Variants in ZNF385D observed in about 807,000 individuals in gnomAD.
ZNF385D encodes zinc finger protein 385D, also known as zinc finger protein 659.
A neutral mutation model predicts 35.8 loss-of-function variants in ZNF385D; 15 were observed. The observed-to-expected ratio is 0.42, with a 90% CI of 0.28 to 0.64. The LOEUF (loss-of-function observed/expected upper bound fraction) is 0.64, where lower values mean the gene tolerates loss of function less well. Ranked by LOEUF, ZNF385D falls within the 30% of genes least tolerant of loss-of-function variation. ZNF385D has a pLI of 0.23. For missense variants in ZNF385D, 474 were observed against 494.6 expected (o/e 0.96, Z 0.39); for synonymous variants, 212 against 186.8 (o/e 1.13, Z -1.10).
At chr3:21,644,347 T>G (rs1305176961) in intron 2 of ZNF385D, among the ~76,000 whole-genome samples, 1 of 152,136 alleles carries the variant, frequency 6.6e-6, no homozygotes, top group East Asian at 1.9e-4. Context: ...ACTCTCCCCA[T>G]AGCTCAGGGT....
Position 21,837,741 on chromosome 3 carries a change from G to A in ZNF385D, c.326-172713C>T, listed in dbSNP as rs139085250. ...ATAAAAATTAGCTGGGTGTGGTGGC[G>A]TGCGCCTGTAGTCCCAGCTACTCAG... On this transcript the variant is annotated intron_variant, in intron 3 of 5. Transcript: ENST00000494108. 5.5e-3 allele frequency among the ~76,000 whole-genome samples: 842 copies of A among 151,978 alleles called. 36 individuals carry two copies. In the South Asian group the frequency reaches 0.069, roughly 12 times the overall value.
intron 1 of ZNF385D, among the ~76,000 whole-genome samples, chr3:21,712,853 T>G (rs2068166034): frequency 6.6e-6 from 1 of 152,212 alleles, no homozygotes. Flanking sequence ...TGTCAGTGAA[T>G]TAATTCCTTC....
chr3:21,839,675 A>G (rs972356372), intron 3 of ZNF385D, among the ~76,000 whole-genome samples: 1 of 152,030 alleles, frequency 6.6e-6, no homozygotes, highest in Non-Finnish European at 1.5e-5. Flanking sequence ...AGACCACATC[A>G]CTTTGCCTTC....
At chr3:21,909,388 G>A (rs1267244785) in intron 3 of ZNF385D, among the ~76,000 whole-genome samples, 1 of 151,992 alleles carries the variant, frequency 6.6e-6, no homozygotes, top group Non-Finnish European at 1.5e-5. Context: ...CACCATGTCA[G>A]GGTGGGAACC....
intron 4 of ZNF385D, among the ~76,000 whole-genome samples, chr3:21,473,594 C>G (rs1024221790): frequency 1.3e-5 from 2 of 152,010 alleles, no homozygotes; most frequent in Admixed American, 6.6e-5. Context: ...TTCTACTGAA[C>G]CTGTAATCAG....
At chr3:21,962,930 T>C (rs777494903) in intron 3 of ZNF385D, among the ~76,000 whole-genome samples, 3 of 152,214 alleles carry the variant, frequency 2.0e-5, no homozygotes, top group African/African-American at 7.2e-5. Context: ...TAATAACACA[T>C]TTTCCAAATA....
At chr3:21,661,838 GCTTA>G (rs1306118412) in intron 2 of ZNF385D, among the ~76,000 whole-genome samples, 1 of 152,000 alleles carries the variant, frequency 6.6e-6, no homozygotes, top group Non-Finnish European at 1.5e-5. Flanking sequence ...TCCTAACTAT[GCTTA>G]CTTTTATAGA....
intron 2 of ZNF385D, among the ~76,000 whole-genome samples, chr3:22,281,746 C>A (rs1311595210): frequency 6.6e-6 from 1 of 151,912 alleles, no homozygotes; most frequent in Non-Finnish European, 1.5e-5. Context: ...TAGGATAATA[C>A]TGGCTTCATA....
At chr3:22,372,089 C>T (rs1490493671) in intron 2 of ZNF385D, among the ~76,000 whole-genome samples, 2 of 152,100 alleles carry the variant, frequency 1.3e-5, no homozygotes, top group African/African-American at 2.4e-5. Flanking sequence ...TGGCCCAGCC[C>T]TCGACTCTGG....
At chr3:21,939,856 T>A (rs73046307) in intron 3 of ZNF385D, among the ~76,000 whole-genome samples, 2 of 152,064 alleles carry the variant, frequency 1.3e-5, no homozygotes, top group East Asian at 3.9e-4. Context: ...TCTATATAAG[T>A]AAAGCACAGT....
At chr3:22,234,187 G>A (rs1348512526) in intron 2 of ZNF385D, among the ~76,000 whole-genome samples, 1 of 152,020 alleles carries the variant, frequency 6.6e-6, no homozygotes, top group Non-Finnish European at 1.5e-5. Flanking sequence ...TATTCAACTG[G>A]ACTCAGAGTT....
intron 2 of ZNF385D, among the ~76,000 whole-genome samples, chr3:22,359,752 A>G (rs9870287): frequency 0.22 from 33,832 of 151,746 alleles, 4,119 homozygotes; most frequent in Non-Finnish European, 0.28. Context: ...ATGATAGGAA[A>G]TAGTGTCCTA....
At chr3:22,326,648 G>C (rs1041977302) in intron 2 of ZNF385D, among the ~76,000 whole-genome samples, 1 of 152,214 alleles carries the variant, frequency 6.6e-6, no homozygotes, top group East Asian at 1.9e-4. Flanking sequence ...AAATATGACA[G>C]GTAACACTTA....
chr3:22,328,616 A>G (rs1488612343), intron 2 of ZNF385D, among the ~76,000 whole-genome samples: 5 of 151,520 alleles, frequency 3.3e-5, no homozygotes, highest in Non-Finnish European at 7.4e-5. Flanking sequence ...TACAAAAATT[A>G]GCTGGGCATG....
chr3:21,836,637 T>C (rs1319703170), intron 3 of ZNF385D, among the ~76,000 whole-genome samples: 1 of 152,098 alleles, frequency 6.6e-6, no homozygotes, highest in South Asian at 2.1e-4. Context: ...TCTACTATTG[T>C]AGCCAAAAAG....
chr3:21,822,461 C>T (rs749197125), intron 3 of ZNF385D, among the ~76,000 whole-genome samples: 10 of 152,126 alleles, frequency 6.6e-5, no homozygotes, highest in South Asian at 2.1e-4. Context: ...TTGACAGGCA[C>T]GCATGATACT....
At chr3:21,865,189 A>G (rs1261894798) in intron 3 of ZNF385D, among the ~76,000 whole-genome samples, 1 of 151,096 alleles carries the variant, frequency 6.6e-6, no homozygotes, top group Non-Finnish European at 1.5e-5. Flanking sequence ...AAGTAATTAG[A>G]GTATTTGCTA....
chr3:21,759,195 T>A (rs960594212), intron 3 of ZNF385D, among the ~76,000 whole-genome samples: 4 of 152,026 alleles, frequency 2.6e-5, no homozygotes, highest in African/African-American at 7.3e-5. Flanking sequence ...TGGTAAAAGA[T>A]GATATTATGA....
intron 2 of ZNF385D, among the ~76,000 whole-genome samples, chr3:22,341,825 A>G (rs1695432117): frequency 6.6e-6 from 1 of 152,232 alleles, no homozygotes. Context: ...TATAATCCTT[A>G]AAACAATACT....
Sources: gnomAD v4.1 joint callset for allele counts (sites outside exome capture counted in the v4.1 genomes callset) on GRCh38, gnomAD v4.1.1 for gene constraint, MANE v1.5 for transcripts, NCBI Gene and HGNC (gene_info 2026-07-23, HGNC 2026-07-21) for gene names.